ZBED6: variants seen among roughly 807,000 people sequenced by gnomAD.
ZBED6 encodes zinc finger BED-type containing 6, also known as zinc finger BED domain-containing protein 6.
In ZBED6, 40 loss-of-function variants were observed where a neutral mutation model predicts 58.4. The ratio of observed to expected loss-of-function variants is 0.68; its 90% CI spans 0.53 to 0.89. The LOEUF (loss-of-function observed/expected upper bound fraction) is 0.89. ZBED6 is among the 40% of genes least tolerant of loss of function. ZBED6 has a pLI of 0.00. For missense variants in ZBED6, 1,057 were observed against 1,003.9 expected, an observed-to-expected ratio of 1.05 and a Z score of -0.71; for synonymous variants, 439 against 350.6, an observed-to-expected ratio of 1.25 and a Z score of -2.82.
At chr1:203,841,410 G>A (rs955346485) in intron 11 of ZBED6, among the ~76,000 whole-genome samples, 7 of 152,080 alleles carry the variant, frequency 4.6e-5, no homozygotes, top group Admixed American at 1.3e-4. Context: ...ATCTTGCACC[G>A]CCCTTAATCA....
chr1:203,833,023 C>T (rs960101490), intron 8 of ZBED6, among the ~76,000 whole-genome samples: 2 of 151,564 alleles, frequency 1.3e-5, no homozygotes, highest in African/African-American at 4.9e-5. Context: ...CGCTTGAGGC[C>T]AGGAGTTCAA....
At chr1:203,835,777 T>C in intron 9 of ZBED6, 1 of 240,262 alleles carries the variant, frequency 4.2e-6, no homozygotes. Context: ...TAAGCACATC[T>C]CTTGCCCAAA....
At chr1:203,850,910 AT>A in intron 15 of ZBED6, 146 bp from the exon 16 acceptor site, 1 of 1,196,660 alleles carries the variant, frequency 8.4e-7, no homozygotes, top group South Asian at 1.4e-5. Context: ...TTGCTTATTT[AT>A]ATACTCAACC....
chr1:203,799,223 T>A, exon 1 of ZBED6: 1 of 914,828 alleles, frequency 1.1e-6, no homozygotes, highest in African/African-American at 1.6e-5. Flanking sequence ...ACAATTCCTC[T>A]AATGTGGTAC....
intron 14 of ZBED6, 101 bp downstream of exon 14, chr1:203,850,127 A>T: frequency 9.6e-7 from 1 of 1,040,512 alleles, no homozygotes; most frequent in Non-Finnish European, 1.4e-6. Flanking sequence ...GTTGAATTTC[A>T]TTTGCCTTCT....
chr1:203,849,631 T>A, intron 13 of ZBED6, 80 bp from the exon 14 acceptor site: 1 of 1,352,282 alleles, frequency 7.4e-7, no homozygotes, highest in Non-Finnish European at 1.0e-6. Flanking sequence ...CTGCTTAACT[T>A]AGATGTTAGC....
In ZBED6 at chr1:203,850,933, G is replaced by A. The variant is rs969767791; in HGVS notation, c.*4806-124G>A. On this transcript the variant is annotated intron_variant, in intron 15 of 16. Transcript: ENST00000550078. ...TTATATACTCAACCTTTAGATTATCGATTCTTAGATTCACAGGCTTAAAGA... is the reference window on the plus strand; with the variant it reads ...TTATATACTCAACCTTTAGATTATCAATTCTTAGATTCACAGGCTTAAAGA... 9 of 1,264,080 alleles carry A rather than the reference G, an allele frequency of 7.1e-6. No homozygotes were observed. The East Asian group carries it at 9.3e-5, about 13-fold the overall frequency. 78.3% of individuals were successfully genotyped at this position (1,264,080 alleles called of 1,614,324 possible).
exon 1 of ZBED6, chr1:203,800,428 T>C (rs1444664035): frequency 2.6e-5 from 36 of 1,409,778 alleles, no homozygotes; most frequent in Non-Finnish European, 3.4e-5. Context: ...CAGAATGAAG[T>C]TGTTCAAAGC....
Position 203,815,418 on chromosome 1 carries a change from C to T in ZBED6, c.*2555-1508C>T, listed in dbSNP as rs150132130. ...TTTTTTTTAAGAGATGGGGTTTTGC[C>T]ATGTTGTCCAGGCTGGTCTCGAACT... On this transcript the variant is annotated intron_variant, in intron 1 of 16. Transcript: ENST00000550078. Among the ~76,000 whole-genome samples, 977 of 143,786 alleles carry T rather than the reference C, an allele frequency of 6.8e-3. 16 individuals are homozygous for T. Among genetic ancestry groups the T allele is most frequent in the African/African-American group, 0.024 (939 of 38,790 alleles). The allele number at this position is 143,786 out of a possible 152,430, so 94.3% of individuals were successfully genotyped here. A position where few individuals can be genotyped will look rare whatever the true frequency, so the allele number is the denominator to read the frequency against.
chr1:203,797,282 C>G lies in ZBED6; in HGVS notation c.-241C>G. 3.0e-6 allele frequency: 1 copy of G among 333,600 alleles called. No homozygotes were observed. Among genetic ancestry groups the G allele is most frequent in the Admixed American group, 4.6e-5 (1 of 21,908 alleles). 20.7% of individuals were successfully genotyped at this position (333,600 alleles called of 1,614,324 possible). On this transcript the variant is annotated 5_prime_UTR_variant, in exon 1 of 17. The change creates a premature stop within an existing upstream ORF in the 5' untranslated region. Coordinates refer to ENST00000550078, the Ensembl canonical transcript of ZBED6. ...ATGAGGACACTGGACTATTTGAATT[C>G]AGAACTTAGAAAATTGGAAGGGACC...
chr1:203,805,651 A>G, intron 1 of ZBED6: 2 of 704,330 alleles, frequency 2.8e-6, no homozygotes, highest in South Asian at 2.7e-5. Flanking sequence ...ATCCAAATTC[A>G]TCCACCAGAA....
chr1:203,798,683 G>C, exon 1 of ZBED6: 1 of 1,536,146 alleles, frequency 6.5e-7, no homozygotes, highest in South Asian at 1.2e-5. Context: ...CCGTTGCAGA[G>C]CAAGGCACTC....
At chr1:203,797,604 C>G (rs1360141166) in exon 1 of ZBED6, 1 of 1,535,096 alleles carries the variant, frequency 6.5e-7, no homozygotes, top group African/African-American at 1.4e-5. Flanking sequence ...TTCTGGGATT[C>G]TGGGATGTGT....
chr1:203,849,765 G>A lies in ZBED6; in HGVS notation c.*4377G>A, dbSNP rs368114391. ...CACTAAAATTCAAGTCAAGAGATGT[G>A]AGACCATGAGAGAGAAGCACATGCA... is the stretch of plus-strand genomic sequence containing the variant. On this transcript the variant is annotated 3_prime_UTR_variant, in exon 14 of 17. Transcript: ENST00000550078. 1.2e-5 allele frequency: 19 copies of A among 1,613,800 alleles called. No homozygotes were observed. The highest frequency in any genetic ancestry group is 1.5e-5 in the Non-Finnish European group (18 of 1,179,880).
In ZBED6 at chr1:203,847,757, T is replaced by G. The variant is rs542930200; in HGVS notation, c.*4245+70T>G. ...TTCCAGAGGAGTGTTCCGTGGGATC[T>G]TCCTAGGAGTTGTTTGACAACCTTT... is the stretch of plus-strand genomic sequence containing the variant. On this transcript the variant is annotated intron_variant, in intron 12 of 16. Coordinates refer to ENST00000550078, the Ensembl canonical transcript of ZBED6. The G allele has an allele frequency of 2.0e-5, 30 of 1,538,188 alleles. No individual in the cohort carries two copies. In the African/African-American group the frequency reaches 2.4e-4, roughly 12 times the overall value.
At chr1:203,817,277 A>G (rs1443887382) in intron 2 of ZBED6, among the ~76,000 whole-genome samples, 153 bp downstream of exon 2, 2 of 152,160 alleles carry the variant, frequency 1.3e-5, no homozygotes, top group East Asian at 3.8e-4. Flanking sequence ...TAATGTATTT[A>G]GGGTAATTCA....
exon 1 of ZBED6, chr1:203,802,206 T>C (rs1383834308): frequency 6.6e-6 from 1 of 152,632 alleles, no homozygotes; most frequent in Admixed American, 6.5e-5. Context: ...CGATGATGGA[T>C]ATATATACAT....
chr1:203,829,253 A>T, intron 4 of ZBED6, 198 bp from the exon 5 acceptor site: 1 of 608,986 alleles, frequency 1.6e-6, no homozygotes, highest in Non-Finnish European at 2.9e-6. Flanking sequence ...GTGTTTATGT[A>T]CAGTGGAGAG....
Position 203,840,387 on chromosome 1 carries a change from T to C in ZBED6, c.*3741+13T>C. Reference sequence around the variant, plus strand: ...GAGGATGCAACAGGTAAGTAAATCCTAAGACCAGATTCTGATTATTTTTTT... The same window carrying C: ...GAGGATGCAACAGGTAAGTAAATCCCAAGACCAGATTCTGATTATTTTTTT... On this transcript the variant is annotated intron_variant, in intron 11 of 16. Transcript: ENST00000550078. 1 of 1,609,722 alleles carries C rather than the reference T, an allele frequency of 6.2e-7. No individual in the cohort carries two copies. The highest frequency in any genetic ancestry group is 8.5e-7 in the Non-Finnish European group (1 of 1,177,784).
Sources: allele counts gnomAD v4.1 joint callset (sites outside exome capture counted in the v4.1 genomes callset), GRCh38; gene constraint gnomAD v4.1.1; transcripts MANE v1.5; gene names NCBI Gene and HGNC (gene_info 2026-07-23, HGNC 2026-07-21).